Variants in GNAQ observed in about 807,000 individuals in gnomAD.
GNAQ encodes G protein subunit alpha q, also known as guanine nucleotide-binding protein G(q) subunit alpha.
A neutral mutation model predicts 43.9 loss-of-function variants in GNAQ; 8 were observed. The observed-to-expected ratio is 0.18, with a 90% CI of 0.11 to 0.33. GNAQ has a LOEUF of 0.33. Among genes scored for constraint, GNAQ ranks in the 10% least tolerant of loss-of-function variants. GNAQ has a pLI of 1.00. For missense variants in GNAQ, 158 were observed against 450.8 expected, an observed-to-expected ratio of 0.35 and a Z score of 5.88; for synonymous variants, 155 against 170.7, an observed-to-expected ratio of 0.91 and a Z score of 0.71.
chr9:77,769,377 C>G (rs1026547113), intron 5 of GNAQ, among the ~76,000 whole-genome samples: 2 of 151,250 alleles, frequency 1.3e-5, no homozygotes, highest in African/African-American at 2.4e-5. Context: ...GCACTCCAGC[C>G]TGGGTGACAG....
chr9:77,917,285 C>G (rs1194138300), intron 2 of GNAQ, among the ~76,000 whole-genome samples: 2 of 152,114 alleles, frequency 1.3e-5, no homozygotes, highest in Non-Finnish European at 2.9e-5. Context: ...CACTTTATAT[C>G]CTTTCCTTTT....
At chr9:77,873,843 T>G (rs1828081306) in intron 2 of GNAQ, among the ~76,000 whole-genome samples, 1 of 152,190 alleles carries the variant, frequency 6.6e-6, no homozygotes, top group Admixed American at 6.5e-5. Context: ...CGGTGGCTCA[T>G]GCCTGTAATC....
intron 5 of GNAQ, among the ~76,000 whole-genome samples, chr9:77,752,505 A>G (rs1320001941): frequency 6.6e-6 from 1 of 152,162 alleles, no homozygotes; most frequent in African/African-American, 2.4e-5. Flanking sequence ...TTCACATCCA[A>G]TCTCCTCTTT....
At chr9:78,002,956 T>C (rs1235737917) in intron 1 of GNAQ, among the ~76,000 whole-genome samples, 4 of 152,076 alleles carry the variant, frequency 2.6e-5, no homozygotes, top group African/African-American at 7.2e-5. Flanking sequence ...AACAAATACA[T>C]AGTAGTTATT....
At chr9:77,852,922 T>C (rs1827693404) in intron 2 of GNAQ, among the ~76,000 whole-genome samples, 1 of 152,182 alleles carries the variant, frequency 6.6e-6, no homozygotes, top group Non-Finnish European at 1.5e-5. Context: ...GGCTGAAGAA[T>C]ATACACCCAG....
chr9:77,725,728 G>C (rs1254357249), intron 6 of GNAQ, among the ~76,000 whole-genome samples: 2 of 152,106 alleles, frequency 1.3e-5, no homozygotes, highest in South Asian at 4.1e-4. Flanking sequence ...AGATGGTGCA[G>C]AGATCAAAAA....
intron 5 of GNAQ, 79 bp from the exon 6 acceptor site, chr9:77,728,746 A>G (rs2118219515): frequency 9.9e-7 from 1 of 1,007,716 alleles, no homozygotes. Context: ...TTTATTTTAT[A>G]AGTCCAACCC....
chr9:77,757,287 A>G (rs1039614995), intron 5 of GNAQ, among the ~76,000 whole-genome samples: 3 of 152,204 alleles, frequency 2.0e-5, no homozygotes, highest in African/African-American at 7.2e-5. Flanking sequence ...TCGGCAAGGC[A>G]ACCATCCTTA....
At chr9:77,909,780 A>G (rs1466644754) in intron 2 of GNAQ, among the ~76,000 whole-genome samples, 2 of 152,178 alleles carry the variant, frequency 1.3e-5, no homozygotes, top group Admixed American at 6.6e-5. Context: ...GAAACATAAA[A>G]TCAGGAAAAT....
chr9:77,832,789 T>C (rs1587937054), intron 2 of GNAQ, among the ~76,000 whole-genome samples: 1 of 152,150 alleles, frequency 6.6e-6, no homozygotes, highest in Admixed American at 6.5e-5. Flanking sequence ...GGTTGTCAGA[T>C]TATTCACTGC....
intron 1 of GNAQ, among the ~76,000 whole-genome samples, chr9:77,990,694 A>T (rs1176942885): frequency 6.6e-6 from 1 of 152,248 alleles, no homozygotes; most frequent in Non-Finnish European, 1.5e-5. Context: ...ATGTTATCAG[A>T]GACAATAGCG....
At chr9:77,892,143 C>T (rs1270579791) in intron 2 of GNAQ, among the ~76,000 whole-genome samples, 1 of 152,126 alleles carries the variant, frequency 6.6e-6, no homozygotes, top group Non-Finnish European at 1.5e-5. Flanking sequence ...TCTAGGGATT[C>T]TTAAATCTAG....
At chr9:78,010,915 T>A (rs958577876) in intron 1 of GNAQ, among the ~76,000 whole-genome samples, 2 of 152,178 alleles carry the variant, frequency 1.3e-5, no homozygotes, top group South Asian at 2.1e-4. Flanking sequence ...TCCTACCTAT[T>A]CTAGCCATGA....
At chr9:77,941,907 T>TACACACACAC (rs10560776) in intron 1 of GNAQ, among the ~76,000 whole-genome samples, 1,915 of 141,068 alleles carry the variant, frequency 0.014, 19 homozygotes, top group Middle Eastern at 0.025. Context: ...ACAACATACA[T>TACACACACAC]ACACACACAC....
chr9:77,770,999 C>G (rs1826214802), intron 5 of GNAQ, among the ~76,000 whole-genome samples: 1 of 152,040 alleles, frequency 6.6e-6, no homozygotes, highest in African/African-American at 2.4e-5. Flanking sequence ...ACATTTCACC[C>G]AGTTCTTACA....
At position 77,925,654 on chromosome 9, in the gene GNAQ, G is replaced by A. The variant is rs189117597; in HGVS notation, c.137-3309C>T. 3.9e-5 allele frequency among the ~76,000 whole-genome samples: 6 copies of A among 152,274 alleles called. No homozygotes were observed. In the East Asian group the frequency reaches 9.6e-4, roughly 24 times the overall value. On this transcript the variant is annotated intron_variant, in intron 1 of 6. Transcript: ENST00000286548. ...TTTCATTTTATTATACAAATGTTGT[G>A]AATTCAAAGTGAAGGCAAAGTTTCA... is the stretch of plus-strand genomic sequence containing the variant.
At chr9:77,931,416 C>A (rs560265417) in intron 1 of GNAQ, among the ~76,000 whole-genome samples, 2 of 151,890 alleles carry the variant, frequency 1.3e-5, no homozygotes, top group South Asian at 2.1e-4. Flanking sequence ...CACAGTGAAA[C>A]CCCATCTCTA....
rs115872202 is a variant in GNAQ, at chr9:77,730,600, C to T, written c.736-1933G>A. Among the ~76,000 whole-genome samples, 781 of 152,240 alleles carry T rather than the reference C, an allele frequency of 5.1e-3. 8 individuals are homozygous for T. Among genetic ancestry groups the T allele is most frequent in the African/African-American group, 0.018 (746 of 41,534 alleles). On this transcript the variant is annotated intron_variant, in intron 5 of 6. Coordinates refer to ENST00000286548, the MANE Select transcript of GNAQ (RefSeq NM_002072.5). ...CTTCAACCTGTTAATTTTGTGCCAA[C>T]AATTGCATAGATAATTAAAATTAAT...
intron 1 of GNAQ, among the ~76,000 whole-genome samples, chr9:78,020,165 G>A (rs561249260): frequency 6.6e-5 from 10 of 152,102 alleles, no homozygotes; most frequent in Admixed American, 2.0e-4. Context: ...ATTTATTGCC[G>A]TGGGAAACTG....
Sources: allele counts gnomAD v4.1 joint callset (sites outside exome capture counted in the v4.1 genomes callset), GRCh38; gene constraint gnomAD v4.1.1; transcripts MANE v1.5; gene names NCBI Gene and HGNC (gene_info 2026-07-23, HGNC 2026-07-21).